ZFR: variants seen among roughly 807,000 people sequenced by gnomAD.
ZFR encodes the protein zinc finger RNA-binding protein.
ZFR carries 19 observed loss-of-function variants against 130.7 expected under a neutral mutation model. The ratio of observed to expected loss-of-function variants is 0.15; its 90% CI spans 0.10 to 0.21. The LOEUF is 0.21. ZFR is among the 10% of genes least tolerant of loss of function. The pLI is 1.00. For synonymous variants in ZFR, 466 were observed against 456.9 expected (o/e 1.02, Z -0.25); for missense variants, 872 against 1,321.5 (o/e 0.66, Z 5.27).
At chr5:32,394,379 T>C (rs992736259) in intron 11 of ZFR, 1 of 169,396 alleles carries the variant, frequency 5.9e-6, no homozygotes, top group African/African-American at 2.4e-5. Context: ...CTGTAGTAAG[T>C]TGATGCAAAA....
At chr5:32,407,151 T>G in intron 5 of ZFR, 130 bp from the exon 6 acceptor site, 5 of 829,388 alleles carry the variant, frequency 6.0e-6, no homozygotes, top group Non-Finnish European at 8.8e-6. Flanking sequence ...CAAACGTATA[T>G]CTCACAGAAC....
At chr5:32,359,947 G>GA (rs763208305) in intron 19 of ZFR, among the ~76,000 whole-genome samples, 478 of 123,832 alleles carry the variant, frequency 3.9e-3, no homozygotes, top group Middle Eastern at 8.4e-3. Flanking sequence ...CCGTCTTAAG[G>GA]AAAAAAAAAA....
At chr5:32,418,486 A>G (rs989359266) in intron 3 of ZFR, among the ~76,000 whole-genome samples, 1 of 152,202 alleles carries the variant, frequency 6.6e-6, no homozygotes, top group Non-Finnish European at 1.5e-5. Flanking sequence ...CTTTTTCAAG[A>G]AAGATCAAGG....
intron 2 of ZFR, among the ~76,000 whole-genome samples, chr5:32,431,882 T>TA (rs1436777680): frequency 6.6e-6 from 1 of 152,080 alleles, no homozygotes; most frequent in Admixed American, 6.5e-5. Flanking sequence ...TGTTTCCCAG[T>TA]AAGTGCAGTG....
At position 32,355,516 on chromosome 5, in the gene ZFR, AAAT is replaced by A. The variant is rs1168138800; in HGVS notation, c.*241_*243del. 4 of 294,668 alleles carry A rather than the reference AAAT, an allele frequency of 1.4e-5. No homozygotes were observed. Among genetic ancestry groups the A allele is most frequent in the African/African-American group, 4.3e-5 (2 of 46,106 alleles). 18.3% of individuals were successfully genotyped at this position (294,668 alleles called of 1,614,324 possible). A position where few individuals can be genotyped will look rare whatever the true frequency, so the allele number is the denominator to read the frequency against. On this transcript the variant is annotated 3_prime_UTR_variant, in exon 20 of 20. Transcript: ENST00000265069. ...CTAGGGCAACCAGAAAATAAAATAA[AAAT>A]AATGGGAAAAAATCGGAACTACTGT...
chr5:32,444,204 CAG>C (rs747695772), intron 2 of ZFR, 23 bp downstream of exon 2: 7 of 1,593,248 alleles, frequency 4.4e-6, no homozygotes, highest in Non-Finnish European at 6.0e-6. Flanking sequence ...AAGGGGCGAA[CAG>C]AGAGAAGGCA....
At position 32,390,487 on chromosome 5, in the gene ZFR, A is replaced by T. The variant is rs1433771136; in HGVS notation, c.1980-50T>A. ...AAGCATATGAGGAAAAATACAGCCC[A>T]AGAACTTGCATCAATAGTGACATAA... On this transcript the variant is annotated intron_variant, in intron 11 of 19. Coordinates refer to ENST00000265069, the MANE Select transcript of ZFR (RefSeq NM_016107.5). 2.6e-6 allele frequency: 4 copies of T among 1,534,644 alleles called. No homozygotes were observed. The Admixed American group carries it at 5.2e-5, about 20-fold the overall frequency.
intron 17 of ZFR, among the ~76,000 whole-genome samples, chr5:32,378,865 T>A (rs1290245004): frequency 1.3e-5 from 2 of 148,668 alleles, no homozygotes; most frequent in African/African-American, 2.5e-5. Flanking sequence ...GCTGTAATAT[T>A]AAAAAAAAAA....
rs563740870 is a variant in ZFR, at chr5:32,376,277, A to G, written c.2835+2838T>C. Among the ~76,000 whole-genome samples, 3 of 152,260 alleles carry G rather than the reference A, an allele frequency of 2.0e-5. No individual in the cohort carries two copies. In the South Asian group the frequency reaches 6.2e-4, roughly 31 times the overall value. On this transcript the variant is annotated intron_variant, in intron 17 of 19. Transcript: ENST00000265069. ...ACTGTAAATTAGAATATATCCTACC[A>G]AAAATTTTGTTATGTATTTAAATTT... is the stretch of plus-strand genomic sequence containing the variant.
At chr5:32,435,401 G>A (rs1347985340) in intron 2 of ZFR, among the ~76,000 whole-genome samples, 3 of 152,144 alleles carry the variant, frequency 2.0e-5, no homozygotes, top group Admixed American at 6.5e-5. Flanking sequence ...TGTGAATTTC[G>A]TAAATGTGGG....
chr5:32,414,993 T>C lies in ZFR; in HGVS notation c.760A>G (p.Ser254Gly). The C allele has an allele frequency of 6.2e-7, 1 of 1,613,868 alleles. No homozygotes were observed. The highest frequency in any genetic ancestry group is 8.5e-7 in the Non-Finnish European group (1 of 1,179,868). Reference protein sequence around the residue: ...VPSYTQSATYSTTAVTYSGTS... With the variant: ...VPSYTQSATYGTTAVTYSGTS... ...CCAGAATATGTAACTGCTGTGGTAC[T>C]GTAAGTAGCACTCTGAGTATAGGAT... The change falls in exon 5 of 20, where the codon AGT becomes GGT. Residue 254 changes from serine to glycine, a missense_variant. Physicochemically the swap from Ser to Gly is moderately conservative, Grantham distance 56 (BLOSUM62 0). Coordinates refer to ENST00000265069, the MANE Select transcript of ZFR (RefSeq NM_016107.5).
At chr5:32,359,461 G>A (rs192417090) in intron 19 of ZFR, among the ~76,000 whole-genome samples, 7 of 152,170 alleles carry the variant, frequency 4.6e-5, no homozygotes, top group Admixed American at 3.9e-4. Flanking sequence ...CTATTTAATG[G>A]GTTGTTTACT....
intron 2 of ZFR, among the ~76,000 whole-genome samples, chr5:32,443,049 C>CA (rs565038328): frequency 0.031 from 4,457 of 143,892 alleles, 209 homozygotes; most frequent in African/African-American, 0.1. Flanking sequence ...ATTATTTATT[C>CA]AAAAAAAAAA....
At chr5:32,377,235 C>CT (rs1752842833) in intron 17 of ZFR, among the ~76,000 whole-genome samples, 1 of 139,168 alleles carries the variant, frequency 7.2e-6, no homozygotes, top group Non-Finnish European at 1.6e-5. Context: ...TCTCTCTCTC[C>CT]TCTCTCTCTT....
At chr5:32,422,645 T>A (rs962571881) in intron 2 of ZFR, among the ~76,000 whole-genome samples, 3 of 151,034 alleles carry the variant, frequency 2.0e-5, no homozygotes, top group Non-Finnish European at 4.4e-5. Context: ...GAAAATTTTT[T>A]AAAAATTAGC....
At chr5:32,385,125 G>C (rs1453384981) in intron 15 of ZFR, among the ~76,000 whole-genome samples, 2 of 152,050 alleles carry the variant, frequency 1.3e-5, no homozygotes, top group African/African-American at 4.8e-5. Context: ...TGTAAGACAA[G>C]GCAAGAGCAA....
intron 17 of ZFR, among the ~76,000 whole-genome samples, chr5:32,378,521 G>A (rs1317629352): frequency 6.6e-6 from 1 of 151,976 alleles, no homozygotes; most frequent in Non-Finnish European, 1.5e-5. Flanking sequence ...CTGAATCCTT[G>A]CTCTTCAGGA....
intron 2 of ZFR, among the ~76,000 whole-genome samples, chr5:32,436,315 AT>A (rs907748711): frequency 4.1e-4 from 59 of 144,180 alleles, no homozygotes; most frequent in Non-Finnish European, 3.2e-4. Context: ...CGCCCGGCTG[AT>A]TTTTTTTTTT....
chr5:32,437,971 C>T (rs187733905), intron 2 of ZFR, among the ~76,000 whole-genome samples: 384 of 152,132 alleles, frequency 2.5e-3, no homozygotes, highest in Non-Finnish European at 4.5e-3. Context: ...TCAAGTTATA[C>T]CAAAAATCCT....
Sources: allele counts gnomAD v4.1 joint callset (sites outside exome capture counted in the v4.1 genomes callset), GRCh38; gene constraint gnomAD v4.1.1; transcripts MANE v1.5; gene names NCBI Gene and HGNC (gene_info 2026-07-23, HGNC 2026-07-21).